MYEF2: variants seen among roughly 807,000 people sequenced by gnomAD.
MYEF2 encodes the protein myelin expression factor 2.
A neutral mutation model predicts 75.2 loss-of-function variants in MYEF2; 37 were observed. The ratio of observed to expected loss-of-function variants is 0.49; its 90% CI spans 0.38 to 0.65. The LOEUF is 0.65. Among genes scored for constraint, MYEF2 ranks in the 30% least tolerant of loss-of-function variants. MYEF2 has a pLI of 0.00. For missense variants in MYEF2, 634 were observed against 771.4 expected (o/e 0.82, Z 2.11); for synonymous variants, 195 against 241.6 (o/e 0.81, Z 1.79).
intron 1 of MYEF2, among the ~76,000 whole-genome samples, chr15:48,176,940 T>C (rs562963417): frequency 3.3e-5 from 5 of 152,280 alleles, no homozygotes; most frequent in Non-Finnish European, 7.4e-5. Context: ...AGCAAGAGTG[T>C]CAAAGAGCTG....
In MYEF2 at chr15:48,157,705, G is replaced by T. The variant is rs2039755525; in HGVS notation, c.985+288C>A. On this transcript the variant is annotated intron_variant, in intron 9 of 16. Transcript: ENST00000324324. ...TGTTATAATGAGGTTACCCACAGAT[G>T]GTGAAATTACAGAGGACTTTTTTTC... is the stretch of plus-strand genomic sequence containing the variant. 3 of 1,066,258 alleles carry T rather than the reference G, an allele frequency of 2.8e-6. No individual in the cohort carries two copies. The South Asian group carries it at 1.1e-4, about 40-fold the overall frequency. 66.0% of individuals were successfully genotyped at this position (1,066,258 alleles called of 1,614,324 possible).
chr15:48,136,440 C>T lies in MYEF2; in HGVS notation c.*6468G>A, dbSNP rs529701659. The T allele has an allele frequency of 3.2e-5, 11 of 339,954 alleles. No individual in the cohort carries two copies. In the South Asian group the frequency reaches 1.2e-3, roughly 38 times the overall value. The allele number at this position is 339,954 out of a possible 1,614,324, so 21.1% of individuals were successfully genotyped here. A position where few individuals can be genotyped will look rare whatever the true frequency, so the allele number is the denominator to read the frequency against. On this transcript the variant is annotated 3_prime_UTR_variant, in exon 17 of 17. Coordinates refer to ENST00000324324, the MANE Select transcript of MYEF2 (RefSeq NM_016132.5). ...TTTGGAAGGAATCTACAAGTAAAAA[C>T]GAGTTTGTTGATCTTGTTTTTAAAA... is the stretch of plus-strand genomic sequence containing the variant.
At chr15:48,151,036 T>C in intron 14 of MYEF2, 64 bp downstream of exon 14, 1 of 1,113,416 alleles carries the variant, frequency 9.0e-7, no homozygotes, top group Non-Finnish European at 1.3e-6. Flanking sequence ...CGATAACTAC[T>C]CTTGCAAAGT....
At position 48,139,182 on chromosome 15, in the gene MYEF2, A is replaced by G; in HGVS notation, c.*3726T>C. 1 of 1,600,036 alleles carries G rather than the reference A, an allele frequency of 6.2e-7. No homozygotes were observed. Among genetic ancestry groups the G allele is most frequent in the African/African-American group, 1.3e-5 (1 of 74,700 alleles). ...TGGATGGTCACAATAACTGGTATGTATTTTAAGTACAATAGCACAACTTGA... is the reference window on the plus strand; with the variant it reads ...TGGATGGTCACAATAACTGGTATGTGTTTTAAGTACAATAGCACAACTTGA... On this transcript the variant is annotated 3_prime_UTR_variant, in exon 17 of 17. Transcript: ENST00000324324.
Position 48,136,907 on chromosome 15 carries a change from A to G in MYEF2, c.*6001T>C. The G allele has an allele frequency of 6.2e-7, 1 of 1,613,834 alleles. No homozygotes were observed. The highest frequency in any genetic ancestry group is 8.5e-7 in the Non-Finnish European group (1 of 1,179,780). ...ACTGATAGTGGAATATTTTATGAAG[A>G]TTCTGGCTACTCTCAGCTCTCTATA... On this transcript the variant is annotated 3_prime_UTR_variant, in exon 17 of 17. Coordinates refer to ENST00000324324, the MANE Select transcript of MYEF2 (RefSeq NM_016132.5).
chr15:48,178,263 C>T lies in MYEF2; in HGVS notation c.-26G>A. 2.2e-6 allele frequency: 3 copies of T among 1,383,098 alleles called. No homozygotes were observed. The highest frequency in any genetic ancestry group is 2.8e-6 in the Non-Finnish European group (3 of 1,074,022). The allele number at this position is 1,383,098 out of a possible 1,614,324, so 85.7% of individuals were successfully genotyped here. Reference sequence around the variant, plus strand: ...CCCGCCGCCGCTGCCTCCGCCTCGGCCGCCTGAGCTGAGGGGCTCCGAGCG... The same window carrying T: ...CCCGCCGCCGCTGCCTCCGCCTCGGTCGCCTGAGCTGAGGGGCTCCGAGCG... On this transcript the variant is annotated 5_prime_UTR_variant, in exon 1 of 17. Transcript: ENST00000324324.
In MYEF2 at chr15:48,149,200, C is replaced by A; in HGVS notation, c.1550G>T (p.Arg517Ile). ...TATCTGGTTGCCTTTGGAGCCTATT[C>A]TCTCTCTCATTCCGCTTCCCATTGG... ...SGPMGSGMRERIGSKGNQIFV... is the reference protein window; with the variant it reads ...SGPMGSGMREIIGSKGNQIFV... Residue 517 changes from arginine (R) to isoleucine (I), a missense_variant, in exon 15 of 17, where the codon AGA (arginine) becomes ATA (isoleucine). Coordinates refer to ENST00000324324, the MANE Select transcript of MYEF2 (RefSeq NM_016132.5). The surrounding 1 kb of genome is among the most constrained non-coding windows in gnomAD (Gnocchi z 4.0). The A allele has an allele frequency of 6.2e-7, 1 of 1,613,298 alleles. No homozygotes were observed. The highest frequency in any genetic ancestry group is 8.5e-7 in the Non-Finnish European group (1 of 1,179,412).
intron 5 of MYEF2, among the ~76,000 whole-genome samples, chr15:48,160,486 T>TACATACATACATACACACACACACAC (rs200591805): frequency 3.6e-5 from 5 of 139,218 alleles, no homozygotes; most frequent in African/African-American, 1.3e-4. Flanking sequence ...AAACCAAACA[T>TACATACATACATACACACACACACAC]ACACACACAC....
chr15:48,157,019 T>A (rs1441038158), intron 9 of MYEF2: 1 of 152,040 alleles, frequency 6.6e-6, no homozygotes, highest in African/African-American at 2.4e-5. Context: ...AAGAAAAAAA[T>A]CTACAACAAA....
chr15:48,152,357 T>G, intron 10 of MYEF2, 73 bp from the exon 11 acceptor site: 17 of 1,204,492 alleles, frequency 1.4e-5, no homozygotes, highest in Non-Finnish European at 1.7e-5. Context: ...TAATGCATTA[T>G]AGCAAAATAG....
chr15:48,142,110 A>C lies in MYEF2; in HGVS notation c.*798T>G. ...TGCCTTGGTATTCCATGGTTTATTAAAACTGCATTTATAAATGGATCAGCT... is the reference window on the plus strand; with the variant it reads ...TGCCTTGGTATTCCATGGTTTATTACAACTGCATTTATAAATGGATCAGCT... On this transcript the variant is annotated 3_prime_UTR_variant, in exon 17 of 17. Coordinates refer to ENST00000324324, the MANE Select transcript of MYEF2 (RefSeq NM_016132.5). 1 of 1,613,902 alleles carries C rather than the reference A, an allele frequency of 6.2e-7. No homozygotes were observed. The highest frequency in any genetic ancestry group is 1.7e-5 in the Admixed American group (1 of 60,018).
At position 48,154,198 on chromosome 15, in the gene MYEF2, AT is replaced by A. The variant is rs200456220; in HGVS notation, c.986-306del. On this transcript the variant is annotated intron_variant, in intron 9 of 16. Transcript: ENST00000324324. ...TACCTAGAGGATTTTGAATAATATC[AT>A]ATCACCTTATATATGGCACACATAT... The A allele has an allele frequency of 3.6e-3, 677 of 189,458 alleles. 27 individuals are homozygous for A. The East Asian group carries it at 0.075, about 21-fold the overall frequency. The allele number at this position is 189,458 out of a possible 1,614,324, so 11.7% of individuals were successfully genotyped here.
Position 48,158,068 on chromosome 15 carries a change from A to T in MYEF2, c.922-12T>A. 1 of 1,612,968 alleles carries T rather than the reference A, an allele frequency of 6.2e-7. No homozygotes were observed. The highest frequency in any genetic ancestry group is 8.5e-7 in the Non-Finnish European group (1 of 1,179,246). On this transcript the variant is annotated splice_polypyrimidine_tract_variant and intron_variant, in intron 8 of 16. Coordinates refer to ENST00000324324, the MANE Select transcript of MYEF2 (RefSeq NM_016132.5). ...ACAGACTTGTCATCCTAATTGCAAG[A>T]AAGTTTATAATATGGTTAACATATT...
chr15:48,140,894 T>C lies in MYEF2; in HGVS notation c.*2014A>G, dbSNP rs1259858965. ...CAGAATTTTAGCTGTTACGTATCTT[T>C]AGATATGTCATTAAAAATCTGTGCT... On this transcript the variant is annotated 3_prime_UTR_variant, in exon 17 of 17. Transcript: ENST00000324324. The C allele has an allele frequency of 7.0e-6, 3 of 428,050 alleles. No individual in the cohort carries two copies. Among genetic ancestry groups the C allele is most frequent in the African/African-American group, 4.0e-5 (2 of 49,716 alleles). The allele number at this position is 428,050 out of a possible 1,614,324, so 26.5% of individuals were successfully genotyped here. A position where few individuals can be genotyped will look rare whatever the true frequency, so the allele number is the denominator to read the frequency against.
intron 7 of MYEF2, 46 bp downstream of exon 7, chr15:48,158,723 T>C: frequency 6.2e-7 from 1 of 1,608,598 alleles, no homozygotes; most frequent in Non-Finnish European, 8.5e-7. Flanking sequence ...GGTGGTATTA[T>C]GCTTCTTCAA....
At position 48,139,969 on chromosome 15, in the gene MYEF2, C is replaced by A. The variant is rs1438042747; in HGVS notation, c.*2939G>T. 1.3e-5 allele frequency: 2 copies of A among 152,028 alleles called. No individual in the cohort carries two copies. The highest frequency in any genetic ancestry group is 4.8e-5 in the African/African-American group (2 of 41,412). 9.4% of individuals were successfully genotyped at this position (152,028 alleles called of 1,614,324 possible). On this transcript the variant is annotated 3_prime_UTR_variant, in exon 17 of 17. Coordinates refer to ENST00000324324, the MANE Select transcript of MYEF2 (RefSeq NM_016132.5). The stretch of plus-strand genomic sequence containing the variant: ...ACTGCAACAGAAATCACACAGCCTG[C>A]AAAGCCTAAATAATTACTATCTGGC...
chr15:48,178,134 G>A lies in MYEF2; in HGVS notation c.104C>T (p.Pro35Leu). 6.3e-7 allele frequency: 1 copy of A among 1,585,976 alleles called. No homozygotes were observed. ...PPGEPRREPHPAEAEKQQPQH... is the reference protein window; with the variant it reads ...PPGEPRREPHLAEAEKQQPQH... ...CGGCTGCTGCTTCTCCGCCTCCGCG[G>A]GGTGCGGCTCTCGCCGCGGCTCGCC... is the stretch of plus-strand genomic sequence containing the variant. Residue 35 changes from proline (P) to leucine (L), a missense_variant, in exon 1 of 17, where the codon CCC becomes CTC. Coordinates refer to ENST00000324324, the MANE Select transcript of MYEF2 (RefSeq NM_016132.5).
rs771561432 is a variant in MYEF2, at chr15:48,138,903, A to G, written c.*4005T>C. ...TAATTTATTTCAATATAACTTTCTA[A>G]ATAGGCATTTCTAACTTAATTAGCC... On this transcript the variant is annotated 3_prime_UTR_variant, in exon 17 of 17. Transcript: ENST00000324324. 4.5e-5 allele frequency: 54 copies of G among 1,194,216 alleles called. No individual in the cohort carries two copies. Among genetic ancestry groups the G allele is most frequent in the Non-Finnish European group, 6.1e-5 (51 of 832,246 alleles). The allele number at this position is 1,194,216 out of a possible 1,614,324, so 74.0% of individuals were successfully genotyped here.
chr15:48,174,373 A>G (rs2140943580), intron 1 of MYEF2, among the ~76,000 whole-genome samples: 1 of 129,834 alleles, frequency 7.7e-6, no homozygotes, highest in South Asian at 2.8e-4. Flanking sequence ...AAGCTCCATG[A>G]CCTTGGCCTT....
Sources: gnomAD v4.1 joint callset for allele counts (sites outside exome capture counted in the v4.1 genomes callset) on GRCh38, gnomAD v4.1.1 for gene constraint, Gnocchi (gnomAD v3.1) non-coding constraint, MANE v1.5 for transcripts, NCBI Gene and HGNC (gene_info 2026-07-23, HGNC 2026-07-21) for gene names.